The following OSBPL8 variants were observed in gnomAD, a reference collection of about 807,000 sequenced individuals.
OSBPL8 encodes the protein oxysterol binding protein like 8.
A neutral mutation model predicts 125.5 loss-of-function variants in OSBPL8; 59 were observed. The observed-to-expected ratio is 0.47, with a 90% CI of 0.38 to 0.58. The LOEUF (loss-of-function observed/expected upper bound fraction) is 0.58. OSBPL8 is among the 20% of genes least tolerant of loss of function. OSBPL8 has a pLI of 0.00. For missense variants in OSBPL8, 758 were observed against 1,047.8 expected, an observed-to-expected ratio of 0.72 and a Z score of 3.82; for synonymous variants, 330 against 338.9, an observed-to-expected ratio of 0.97 and a Z score of 0.29.
chr12:76,446,765 T>G (rs1383936081), intron 4 of OSBPL8, among the ~76,000 whole-genome samples: 1 of 152,142 alleles, frequency 6.6e-6, no homozygotes, highest in African/African-American at 2.4e-5. Context: ...ATTAATTCAT[T>G]TTAAACCTTA....
At chr12:76,473,657 T>C (rs761820015) in intron 2 of OSBPL8, among the ~76,000 whole-genome samples, 7 of 152,204 alleles carry the variant, frequency 4.6e-5, no homozygotes, top group Non-Finnish European at 8.8e-5. Context: ...CATGCTGATA[T>C]TCCTAAACCA....
chr12:76,506,492 T>C (rs1021190460), intron 1 of OSBPL8, among the ~76,000 whole-genome samples: 2 of 152,224 alleles, frequency 1.3e-5, no homozygotes, highest in Non-Finnish European at 2.9e-5. Flanking sequence ...TGCTCCAGTA[T>C]TAAAGAATCA....
intron 1 of OSBPL8, among the ~76,000 whole-genome samples, chr12:76,541,657 C>T (rs1234527637): frequency 3.3e-5 from 5 of 152,038 alleles, no homozygotes; most frequent in Admixed American, 1.3e-4. Flanking sequence ...GAGTTCAAGA[C>T]CAACCTGGCC....
chr12:76,454,871 A>G (rs1453324962), intron 3 of OSBPL8, among the ~76,000 whole-genome samples: 1 of 152,096 alleles, frequency 6.6e-6, no homozygotes, highest in Non-Finnish European at 1.5e-5. Flanking sequence ...AGACTTTTTA[A>G]AAAGCAAAGA....
intron 9 of OSBPL8, among the ~76,000 whole-genome samples, chr12:76,393,165 C>T (rs993920107): frequency 1.3e-5 from 2 of 152,170 alleles, no homozygotes; most frequent in African/African-American, 4.8e-5. Flanking sequence ...AACAACCATT[C>T]TACTTGTATG....
intron 1 of OSBPL8, among the ~76,000 whole-genome samples, chr12:76,508,114 T>C (rs1592814260): frequency 6.6e-6 from 1 of 150,608 alleles, no homozygotes; most frequent in East Asian, 2.0e-4. Context: ...GAGGTTGCAG[T>C]GAGCCGAGAT....
At position 76,555,898 on chromosome 12, in the gene OSBPL8, G is replaced by A. The variant is rs553326447; in HGVS notation, c.-68+3499C>T. On this transcript the variant is annotated intron_variant, in intron 1 of 23. Transcript: ENST00000261183. ...ATAATGTTACAAAAAAAGACTTACT[G>A]TGCTTTATCTGACATAATTTATTCA... is the stretch of plus-strand genomic sequence containing the variant. Among the ~76,000 whole-genome samples, 5 of 152,268 alleles carry A rather than the reference G, an allele frequency of 3.3e-5. No homozygotes were observed. In the South Asian group the frequency reaches 1.0e-3, roughly 32 times the overall value.
chr12:76,491,729 T>A (rs1262374690), intron 1 of OSBPL8, among the ~76,000 whole-genome samples: 1 of 152,200 alleles, frequency 6.6e-6, no homozygotes, highest in African/African-American at 2.4e-5. Context: ...TAACTAATAC[T>A]GCCAACTCAA....
chr12:76,375,223 T>C (rs758232217), intron 17 of OSBPL8, 50 bp downstream of exon 17: 6 of 1,243,046 alleles, frequency 4.8e-6, no homozygotes, highest in East Asian at 4.7e-5. Flanking sequence ...TCAATATTTA[T>C]TGTATGGCTC....
chr12:76,516,565 C>A (rs939411449), intron 1 of OSBPL8, among the ~76,000 whole-genome samples: 1 of 151,936 alleles, frequency 6.6e-6, no homozygotes, highest in African/African-American at 2.4e-5. Context: ...GCAAATTAAA[C>A]CCCAAAAAAG....
Position 76,479,895 on chromosome 12 carries a change from G to A in OSBPL8, c.42+7615C>T, listed in dbSNP as rs574191156. Among the ~76,000 whole-genome samples the A allele has an allele frequency of 2.5e-3, 378 of 152,126 alleles. 6 individuals carry two copies. The highest frequency in any genetic ancestry group is 0.021 in the Admixed American group (327 of 15,274). Reference sequence around the variant, plus strand: ...AAAAAGAATATGAGAGGCCGGGCGCGGTGGCTCATGCCTGTAACCCCAGCA... The same window carrying A: ...AAAAAGAATATGAGAGGCCGGGCGCAGTGGCTCATGCCTGTAACCCCAGCA... On this transcript the variant is annotated intron_variant, in intron 2 of 23. Coordinates refer to ENST00000261183, the MANE Select transcript of OSBPL8 (RefSeq NM_020841.5).
At chr12:76,380,864 T>A (rs901195050) in intron 15 of OSBPL8, among the ~76,000 whole-genome samples, 6 of 152,216 alleles carry the variant, frequency 3.9e-5, no homozygotes, top group African/African-American at 9.6e-5. Context: ...CTTAAAAGTA[T>A]GAAGTTGGCT....
At chr12:76,422,604 A>G (rs748574306) in intron 4 of OSBPL8, 99 of 456,510 alleles carry the variant, frequency 2.2e-4, no homozygotes, top group Non-Finnish European at 4.8e-5. Context: ...AAAACAGGCA[A>G]AACCCCAGTA....
chr12:76,397,577 A>G, intron 8 of OSBPL8, 117 bp downstream of exon 8: 1 of 1,046,190 alleles, frequency 9.6e-7, no homozygotes, highest in Admixed American at 2.5e-5. Context: ...ATGCAATGGA[A>G]AGCAGAACAG....
chr12:76,459,951 C>G, intron 2 of OSBPL8, 56 bp from the exon 3 acceptor site: 1 of 1,558,410 alleles, frequency 6.4e-7, no homozygotes, highest in Non-Finnish European at 8.8e-7. Flanking sequence ...CAGGAAGAAG[C>G]AAAATGCATC....
intron 1 of OSBPL8, among the ~76,000 whole-genome samples, chr12:76,558,097 T>C (rs1049710722): frequency 4.0e-5 from 6 of 150,892 alleles, no homozygotes; most frequent in African/African-American, 1.5e-4. Flanking sequence ...TGAGCAGGTA[T>C]ATTATAGTCA....
intron 1 of OSBPL8, among the ~76,000 whole-genome samples, chr12:76,528,352 A>G (rs895974265): frequency 8.1e-5 from 12 of 149,018 alleles, no homozygotes; most frequent in African/African-American, 3.0e-4. Context: ...AAAAAAAAGT[A>G]TTATTATTAA....
intron 4 of OSBPL8, among the ~76,000 whole-genome samples, chr12:76,434,808 A>G (rs1047672563): frequency 6.6e-6 from 1 of 152,218 alleles, no homozygotes; most frequent in Non-Finnish European, 1.5e-5. Context: ...CAAAACCTCA[A>G]TGAGGTATCA....
intron 8 of OSBPL8, among the ~76,000 whole-genome samples, chr12:76,397,192 A>G (rs1953843671): frequency 3.5e-5 from 1 of 28,618 alleles, no homozygotes. Flanking sequence ...AGAGTAAGTA[A>G]TTAAAAAAAA....
Sources: allele counts gnomAD v4.1 joint callset (sites outside exome capture counted in the v4.1 genomes callset), GRCh38; gene constraint gnomAD v4.1.1; transcripts MANE v1.5; gene names NCBI Gene and HGNC (gene_info 2026-07-23, HGNC 2026-07-21).